PTGS1: variants seen among roughly 807,000 people sequenced by gnomAD.
PTGS1 encodes prostaglandin G/H synthase 1.
Under a neutral mutation model 63.0 loss-of-function variants are expected in PTGS1, and 40 were observed. That is an observed-to-expected ratio of 0.63 (90% CI 0.49 to 0.83). The LOEUF (loss-of-function observed/expected upper bound fraction) is 0.83, where lower values mean the gene tolerates loss of function less well. Among genes scored for constraint, PTGS1 ranks in the 40% least tolerant of loss-of-function variants. The pLI is 0.00. For synonymous variants in PTGS1, 298 were observed against 301.9 expected, an observed-to-expected ratio of 0.99 and a Z score of 0.13; for missense variants, 709 against 786.5, an observed-to-expected ratio of 0.90 and a Z score of 1.18.
rs1837274549 is a variant in PTGS1, at chr9:122,377,967, C to G, written c.163C>G (p.Gln55Glu). 1 of 1,614,046 alleles carries G rather than the reference C, an allele frequency of 6.2e-7. No homozygotes were observed. The highest frequency in any genetic ancestry group is 8.5e-7 in the Non-Finnish European group (1 of 1,180,026). Residue 55 changes from glutamine (Q) to glutamate (E), a missense_variant, in exon 3 of 11, where the codon CAG becomes GAG. Gln to Glu is a conservative substitution (Grantham distance 29). Coordinates refer to ENST00000362012, the MANE Select transcript of PTGS1 (RefSeq NM_000962.4). ...TGTCCGCTTCGGCCTTGACCGCTAC[C>G]AGTGTGACTGCACCCGCACGGGCTA... ...ICVRFGLDRY[Q>E]CDCTRTGYSG... is the part of the protein sequence containing the mutation.
chr9:122,371,756 G>A, intron 2 of PTGS1: 1 of 1,531,242 alleles, frequency 6.5e-7, no homozygotes, highest in South Asian at 1.2e-5. Context: ...CATGGGAGAT[G>A]GAAATACATT....
At chr9:122,378,225 G>A (rs1208389084) in intron 3 of PTGS1, among the ~76,000 whole-genome samples, 1 of 152,112 alleles carries the variant, frequency 6.6e-6, no homozygotes, top group Non-Finnish European at 1.5e-5. Flanking sequence ...TCCATGGTGA[G>A]TCTTCACCAC....
chr9:122,380,355 C>G (rs1343776845), intron 5 of PTGS1, among the ~76,000 whole-genome samples: 1 of 151,966 alleles, frequency 6.6e-6, no homozygotes, highest in African/African-American at 2.4e-5. Flanking sequence ...GTCCCAGCTA[C>G]TCAGGAGGCT....
At chr9:122,371,324 C>G in intron 2 of PTGS1, 52 bp downstream of exon 2, 1 of 1,598,106 alleles carries the variant, frequency 6.3e-7, no homozygotes, top group Non-Finnish European at 8.5e-7. Context: ...CGCCCCTGGC[C>G]TGGTTTCAAC....
At chr9:122,371,922 G>A in intron 2 of PTGS1, 1 of 1,017,334 alleles carries the variant, frequency 9.8e-7, no homozygotes, top group Non-Finnish European at 1.5e-6. Context: ...CACTTCGCAA[G>A]GTCTTTCCAC....
chr9:122,372,782 T>G (rs183695148), intron 2 of PTGS1: 14 of 152,402 alleles, frequency 9.2e-5, no homozygotes, highest in Admixed American at 8.5e-4. Context: ...GTTTTTTGCC[T>G]TTTCTGTTTC....
At position 122,386,662 on chromosome 9, in the gene PTGS1, A is replaced by G. The variant is rs754094508; in HGVS notation, c.1226A>G (p.Asn409Ser). Residue 409 changes from asparagine (N) to serine (S), a missense_variant, in exon 9 of 11, where the codon AAC (asparagine) becomes AGC (serine). Physicochemically the swap from Asn to Ser is conservative, Grantham distance 46. Transcript: ENST00000362012. ...QEYSYEQFLF[N>S]TSMLVDYGVE... is the part of the protein sequence containing the mutation. ...TACAGCTACGAGCAGTTCTTGTTCA[A>G]CACCTCCATGTTGGTGGACTATGGG... The G allele has an allele frequency of 1.2e-6, 2 of 1,614,070 alleles. No individual in the cohort carries two copies. Among genetic ancestry groups the G allele is most frequent in the Non-Finnish European group, 1.7e-6 (2 of 1,180,036 alleles).
At chr9:122,375,308 G>C (rs1239954099) in intron 2 of PTGS1, 2 of 985,390 alleles carry the variant, frequency 2.0e-6, no homozygotes, top group Non-Finnish European at 2.4e-6. Flanking sequence ...AGCCGTTCCA[G>C]CTTCAGCGTC....
chr9:122,386,655 T>G lies in PTGS1; in HGVS notation c.1219T>G (p.Leu407Val). ...CCAGGAGTACAGCTACGAGCAGTTC[T>G]TGTTCAACACCTCCATGTTGGTGGA... ...GSQEYSYEQF[L>V]FNTSMLVDYG... Residue 407 changes from leucine to valine, a missense_variant, in exon 9 of 11, where the codon TTG (leucine) becomes GTG (valine). Transcript: ENST00000362012. The G allele has an allele frequency of 6.2e-7, 1 of 1,614,206 alleles. No individual in the cohort carries two copies. Among genetic ancestry groups the G allele is most frequent in the Non-Finnish European group, 8.5e-7 (1 of 1,180,036 alleles).
Position 122,389,429 on chromosome 9 carries a change from G to A in PTGS1, c.1297-769G>A, listed in dbSNP as rs536773048. On this transcript the variant is annotated intron_variant, in intron 9 of 10. Transcript: ENST00000362012. Reference sequence around the variant, plus strand: ...GCCTCCTAAGGTGCTGGGATTACAGGCACAAGCCACTGTGCCTGGTCAGCA... The same window carrying A: ...GCCTCCTAAGGTGCTGGGATTACAGACACAAGCCACTGTGCCTGGTCAGCA... Among the ~76,000 whole-genome samples, 5 of 151,822 alleles carry A rather than the reference G, an allele frequency of 3.3e-5. No individual in the cohort carries two copies. The South Asian group carries it at 1.0e-3, about 32-fold the overall frequency.
intron 3 of PTGS1, 57 bp from the exon 4 acceptor site, chr9:122,378,376 G>A (rs1332724488): frequency 6.2e-7 from 1 of 1,606,150 alleles, no homozygotes; most frequent in Non-Finnish European, 8.5e-7. Flanking sequence ...CTTCCACCCT[G>A]GCTACTTCTG....
Position 122,378,004 on chromosome 9 carries a change from A to G in PTGS1, c.200A>G (p.Asn67Ser). 10 of 1,612,858 alleles carry G rather than the reference A, an allele frequency of 6.2e-6. No homozygotes were observed. Among genetic ancestry groups the G allele is most frequent in the Non-Finnish European group, 8.5e-6 (10 of 1,179,836 alleles). The change falls in exon 3 of 11, where the codon AAC becomes AGC. Residue 67 changes from asparagine (N) to serine (S), a missense_variant. Physicochemically the swap from Asn to Ser is conservative, Grantham distance 46. Transcript: ENST00000362012. Reference protein sequence around the residue: ...DCTRTGYSGPNCTIPGLWTWL... With the variant: ...DCTRTGYSGPSCTIPGLWTWL... ...ACCCGCACGGGCTATTCCGGCCCCA[A>G]CTGCACCATCCGTGAGCTGGGCCTT...
chr9:122,370,694 C>T (rs76870156), upstream of PTGS1: 314 of 413,496 alleles, frequency 7.6e-4, no homozygotes, highest in African/African-American at 5.8e-3. Flanking sequence ...ACTCTGAGAC[C>T]CTTTCTTCTC....
rs1836769907 is a variant in PTGS1 at position 122,371,100 on chromosome 9, G to C, written c.7+9G>C. 2.5e-6 allele frequency: 4 copies of C among 1,602,638 alleles called. No individual in the cohort carries two copies. Among genetic ancestry groups the C allele is most frequent in the Non-Finnish European group, 3.4e-6 (4 of 1,179,522 alleles). On this transcript the variant is annotated intron_variant, in intron 1 of 10. Coordinates refer to ENST00000362012, the MANE Select transcript of PTGS1 (RefSeq NM_000962.4). ...CAGCCGCGCCATGAGCCGTGAGTGC[G>C]ACCCCGGTGCCCGGTGGGGAATTTT...
At chr9:122,378,084 G>T in intron 3 of PTGS1, 69 bp downstream of exon 3, 2 of 1,392,464 alleles carry the variant, frequency 1.4e-6, no homozygotes, top group South Asian at 2.3e-5. Context: ...CTTTCTCCTA[G>T]ACCCTAACTT....
At chr9:122,375,125 C>G (rs1290421050) in intron 2 of PTGS1, among the ~76,000 whole-genome samples, 2 of 152,204 alleles carry the variant, frequency 1.3e-5, no homozygotes, top group Non-Finnish European at 2.9e-5. Flanking sequence ...CCTTGGGGCA[C>G]CAGCGGCAGG....
chr9:122,376,192 C>A (rs1473428456), intron 2 of PTGS1, among the ~76,000 whole-genome samples: 1 of 152,154 alleles, frequency 6.6e-6, no homozygotes, highest in Non-Finnish European at 1.5e-5. Context: ...ATCCTGCCTG[C>A]CAGGTTTGCC....
In PTGS1 at chr9:122,371,265, C is replaced by T; in HGVS notation, c.87C>T (p.Pro29=). 2 of 1,605,074 alleles carry T rather than the reference C, an allele frequency of 1.2e-6. No homozygotes were observed. The highest frequency in any genetic ancestry group is 1.7e-6 in the Non-Finnish European group (2 of 1,179,908). ...LPVLLADPGA[P]TPVNPCCYYP... ...TCCTGCTCGCGGACCCAGGGGCGCC[C>T]ACGCCAGGTAGGCGGCCCCATCCCT... The change falls in exon 2 of 11, where the codon CCC becomes CCT. Residue 29 remains proline (P), a synonymous_variant. Transcript: ENST00000362012.
intron 8 of PTGS1, among the ~76,000 whole-genome samples, chr9:122,385,053 G>A (rs1284069060): frequency 1.3e-5 from 2 of 152,130 alleles, no homozygotes; most frequent in Admixed American, 6.5e-5. Flanking sequence ...TGCCTCCCGG[G>A]TTCGAGCAAT....
Sources: gnomAD v4.1 joint callset for allele counts (sites outside exome capture counted in the v4.1 genomes callset) on GRCh38, gnomAD v4.1.1 for gene constraint, MANE v1.5 for transcripts, NCBI Gene and HGNC (gene_info 2026-07-23, HGNC 2026-07-21) for gene names.